Variants in C1QTNF3 observed in about 807,000 individuals in gnomAD.
The protein encoded by C1QTNF3 is complement C1q tumor necrosis factor-related protein 3.
In C1QTNF3, 26 loss-of-function variants were observed where a neutral mutation model predicts 32.6. That is an observed-to-expected ratio of 0.80 (90% confidence interval 0.58 to 1.11). C1QTNF3 has a LOEUF of 1.11. Among genes scored for constraint, C1QTNF3 ranks in the 50% least tolerant of loss-of-function variants. The pLI, the probability that C1QTNF3 is intolerant of heterozygous loss-of-function variation, is 0.00. For missense variants in C1QTNF3, 362 were observed against 398.2 expected (o/e 0.91, Z 0.77); for synonymous variants, 155 against 146.0 (o/e 1.06, Z -0.44).
chr5:34,077,815 C>T, the C1QTNF3 span, among the ~76,000 whole-genome samples: 1 of 151,394 alleles, frequency 6.6e-6, no homozygotes, highest in African/African-American at 2.5e-5. Flanking sequence ...AATAGCTAAG[C>T]AGCCACCTCA....
chr5:34,080,881 C>G, the C1QTNF3 span, among the ~76,000 whole-genome samples: 3 of 151,794 alleles, frequency 2.0e-5, no homozygotes, highest in South Asian at 6.2e-4. Context: ...ACACACGTCT[C>G]AAGAAAATGA....
chr5:34,062,802 C>T, the C1QTNF3 span, among the ~76,000 whole-genome samples: 1 of 152,192 alleles, frequency 6.6e-6, no homozygotes, highest in South Asian at 2.1e-4. Flanking sequence ...TGTTAAATCA[C>T]CATTTCATTT....
chr5:34,124,571 A>AG, the C1QTNF3 span: 3 of 636,724 alleles, frequency 4.7e-6, no homozygotes, highest in Admixed American at 4.9e-5. Context: ...CACTATCACA[A>AG]GAACAGCACT....
the C1QTNF3 span, chr5:34,244,551 CA>C: frequency 6.6e-6 from 1 of 152,100 alleles, no homozygotes; most frequent in Admixed American, 6.5e-5. Flanking sequence ...TAGCTAGACA[CA>C]AAAGTTCTCC....
At chr5:34,213,715 T>TATGTGTATATAC in the C1QTNF3 span, among the ~76,000 whole-genome samples, 1 of 142,426 alleles carries the variant, frequency 7.0e-6, no homozygotes, top group Non-Finnish European at 1.5e-5. Flanking sequence ...TGTGTATATA[T>TATGTGTATATAC]ATGTATATAT....
At chr5:34,117,680 G>A in the C1QTNF3 span, among the ~76,000 whole-genome samples, 14 of 151,650 alleles carry the variant, frequency 9.2e-5, 1 homozygote, top group Admixed American at 4.6e-4. Context: ...CCTGTAATCC[G>A]AGCTACTCAG....
chr5:34,082,906 C>G, the C1QTNF3 span, among the ~76,000 whole-genome samples: 262 of 151,746 alleles, frequency 1.7e-3, 9 homozygotes, highest in African/African-American at 6.1e-3. Flanking sequence ...GTGTGCAAAC[C>G]TTTGGGCTTT....
the C1QTNF3 span, among the ~76,000 whole-genome samples, chr5:34,228,843 C>T: frequency 4.3e-4 from 65 of 151,570 alleles, no homozygotes; most frequent in East Asian, 0.013. Flanking sequence ...TCTATGCCGT[C>T]CTTAGTCACT....
chr5:34,041,005 T>C (rs1040737435), intron 1 of C1QTNF3, among the ~76,000 whole-genome samples: 1 of 152,140 alleles, frequency 6.6e-6, no homozygotes, highest in Non-Finnish European at 1.5e-5. Context: ...CCCTTCAGGA[T>C]GGTTTGGACA....
chr5:34,210,220 A>T, the C1QTNF3 span, among the ~76,000 whole-genome samples: 1 of 152,056 alleles, frequency 6.6e-6, no homozygotes, highest in African/African-American at 2.4e-5. Context: ...AATGACTTTA[A>T]AGTGATCAGA....
the C1QTNF3 span, among the ~76,000 whole-genome samples, chr5:34,224,245 C>A: frequency 2.6e-5 from 4 of 152,168 alleles, no homozygotes; most frequent in Non-Finnish European, 2.9e-5. Context: ...TTTATAGATT[C>A]AATGCCATCC....
chr5:34,175,844 A>G, the C1QTNF3 span: 1 of 789,348 alleles, frequency 1.3e-6, no homozygotes, highest in South Asian at 1.3e-5. Flanking sequence ...TGAAATCGGC[A>G]AAATTCCAGA....
chr5:34,142,004 T>C, the C1QTNF3 span, among the ~76,000 whole-genome samples: 2 of 152,072 alleles, frequency 1.3e-5, no homozygotes, highest in African/African-American at 4.8e-5. Flanking sequence ...ACACTCAGAA[T>C]AGGTGGGGAT....
At chr5:34,140,580 C>A in the C1QTNF3 span, among the ~76,000 whole-genome samples, 4 of 152,182 alleles carry the variant, frequency 2.6e-5, no homozygotes, top group Admixed American at 2.6e-4. Flanking sequence ...GTTTGTTGGT[C>A]AAAATTGTGA....
At chr5:34,217,437 A>T in the C1QTNF3 span, among the ~76,000 whole-genome samples, 1 of 152,114 alleles carries the variant, frequency 6.6e-6, no homozygotes, top group African/African-American at 2.4e-5. Flanking sequence ...CTATACACTT[A>T]CATTCCTCTT....
chr5:34,033,355 C>T lies in C1QTNF3; in HGVS notation c.519G>A (p.Gln173=). 1 of 1,613,696 alleles carries T rather than the reference C, an allele frequency of 6.2e-7. No individual in the cohort carries two copies. The highest frequency in any genetic ancestry group is 8.5e-7 in the Non-Finnish European group (1 of 1,179,852). The stretch of plus-strand genomic sequence containing the variant: ...AGCCCTTCTCTCCTTTGGGGCCATG[C>T]TGCCCCCGCTCCCCTCGAGGCCCCA... The part of the protein sequence containing the change: ...GDLGPRGERG[Q]HGPKGEKGYP... The change falls in exon 3 of 6, where the codon CAG becomes CAA. Residue 173 remains glutamine (Q), a synonymous_variant. Transcript: ENST00000382065.
chr5:34,133,376 C>T, the C1QTNF3 span, among the ~76,000 whole-genome samples: 1 of 152,026 alleles, frequency 6.6e-6, no homozygotes, highest in Non-Finnish European at 1.5e-5. Context: ...CTTCCTTTTT[C>T]CTATTTTTTC....
the C1QTNF3 span, among the ~76,000 whole-genome samples, chr5:34,216,201 C>T: frequency 6.6e-6 from 1 of 152,200 alleles, no homozygotes; most frequent in Non-Finnish European, 1.5e-5. Context: ...GTTTAAGTAT[C>T]TCTACATTCT....
the C1QTNF3 span, among the ~76,000 whole-genome samples, chr5:34,210,337 T>C: frequency 1.3e-5 from 2 of 152,084 alleles, no homozygotes; most frequent in Non-Finnish European, 2.9e-5. Flanking sequence ...TTAATATCAA[T>C]TGACTACTCT....
Sources: gnomAD v4.1 joint callset for allele counts (sites outside exome capture counted in the v4.1 genomes callset) on GRCh38, gnomAD v4.1.1 for gene constraint, MANE v1.5 for transcripts, NCBI Gene and HGNC (gene_info 2026-07-23, HGNC 2026-07-21) for gene names.